The following PTAFR variants were observed in gnomAD, a reference collection of about 807,000 sequenced individuals.
PTAFR encodes platelet-activating factor receptor.
In PTAFR, 8 loss-of-function variants were observed where a neutral mutation model predicts 14.7. The ratio of observed to expected loss-of-function variants is 0.54; its 90% CI spans 0.32 to 0.98. The LOEUF is 0.98. PTAFR is among the 50% of genes least tolerant of loss of function. The pLI is 0.04. For synonymous variants in PTAFR, 156 were observed against 176.5 expected, an observed-to-expected ratio of 0.88 and a Z score of 0.92; for missense variants, 337 against 451.2, an observed-to-expected ratio of 0.75 and a Z score of 2.29.
chr1:28,155,430 C>T (rs967403970), intron 1 of PTAFR, among the ~76,000 whole-genome samples: 4 of 152,146 alleles, frequency 2.6e-5, no homozygotes, highest in African/African-American at 9.7e-5. Flanking sequence ...AGGCTGATCT[C>T]GAACTCCTGA....
chr1:28,188,555 G>A (rs1167045822), intron 1 of PTAFR, among the ~76,000 whole-genome samples: 3 of 152,146 alleles, frequency 2.0e-5, no homozygotes, highest in East Asian at 3.9e-4. Context: ...CACGGCCAAC[G>A]TGGTGAAACC....
intron 1 of PTAFR, among the ~76,000 whole-genome samples, chr1:28,184,562 G>T (rs776762059): frequency 2.6e-5 from 4 of 151,900 alleles, no homozygotes; most frequent in African/African-American, 9.7e-5. Flanking sequence ...CCTACATCTC[G>T]CTCCCTCCAC....
intron 1 of PTAFR, among the ~76,000 whole-genome samples, chr1:28,173,465 C>CA (rs1460006057): frequency 1.3e-5 from 2 of 151,706 alleles, no homozygotes; most frequent in Non-Finnish European, 2.9e-5. Context: ...ACAAACAAAA[C>CA]AAAACAAAAA....
intron 1 of PTAFR, among the ~76,000 whole-genome samples, chr1:28,162,381 C>G (rs1646333993): frequency 6.6e-6 from 1 of 152,278 alleles, no homozygotes; most frequent in South Asian, 2.1e-4. Flanking sequence ...ATTGCCTACT[C>G]CCCAGACAGA....
chr1:28,149,817 G>T lies in PTAFR; in HGVS notation c.*176C>A. The T allele has an allele frequency of 1.2e-6, 1 of 807,992 alleles. No homozygotes were observed. Among genetic ancestry groups the T allele is most frequent in the East Asian group, 2.7e-5 (1 of 37,446 alleles). 50.1% of individuals were successfully genotyped at this position (807,992 alleles called of 1,614,324 possible). ...GGATGAAGGGGCTCATTTGAGTTCTGGATTTTCCAACAGCCTGGCTCTGCC... is the reference window on the plus strand; with the variant it reads ...GGATGAAGGGGCTCATTTGAGTTCTTGATTTTCCAACAGCCTGGCTCTGCC... On this transcript the variant is annotated 3_prime_UTR_variant, in exon 2 of 2. Transcript: ENST00000373857.
chr1:28,155,892 C>A (rs1235343631), intron 1 of PTAFR, among the ~76,000 whole-genome samples: 1 of 151,638 alleles, frequency 6.6e-6, no homozygotes, highest in Non-Finnish European at 1.5e-5. Context: ...CGAAAAAGTC[C>A]ATTGATATGA....
upstream of PTAFR, among the ~76,000 whole-genome samples, chr1:28,177,857 G>A (rs1054267430): frequency 6.6e-6 from 1 of 152,086 alleles, no homozygotes; most frequent in Non-Finnish European, 1.5e-5. Flanking sequence ...GTAGGTGTGA[G>A]GGTATGTGTG....
intron 1 of PTAFR, among the ~76,000 whole-genome samples, chr1:28,187,830 A>G (rs533872976): frequency 1.3e-5 from 2 of 152,314 alleles, no homozygotes; most frequent in South Asian, 4.1e-4. Context: ...TAATAAAGAA[A>G]AGCTGGATAA....
At chr1:28,155,050 C>T (rs1033220036) in intron 1 of PTAFR, among the ~76,000 whole-genome samples, 5 of 152,100 alleles carry the variant, frequency 3.3e-5, no homozygotes, top group Admixed American at 6.6e-5. Flanking sequence ...GCTGCCACTC[C>T]ACCCTCACCT....
chr1:28,188,914 G>A (rs952723714), intron 1 of PTAFR, among the ~76,000 whole-genome samples: 8 of 143,834 alleles, frequency 5.6e-5, no homozygotes, highest in African/African-American at 2.1e-4. Flanking sequence ...CCAAATGACC[G>A]AGAAATATAA....
intron 1 of PTAFR, among the ~76,000 whole-genome samples, chr1:28,167,176 G>A (rs1467206881): frequency 2.0e-5 from 3 of 152,146 alleles, no homozygotes; most frequent in Admixed American, 6.6e-5. Context: ...AAGGCAACCT[G>A]TGGATGGGAG....
chr1:28,191,993 C>G (rs531222950), intron 1 of PTAFR, among the ~76,000 whole-genome samples: 2 of 151,990 alleles, frequency 1.3e-5, no homozygotes, highest in African/African-American at 4.8e-5. Context: ...TCGTTTGAGC[C>G]TGGGGTCTCC....
rs2148990130 is a variant in PTAFR at position 28,147,223 on chromosome 1, A to G, written c.*2770T>C. The G allele has an allele frequency of 6.6e-6, 1 of 152,332 alleles. No homozygotes were observed. Among genetic ancestry groups the G allele is most frequent in the East Asian group, 1.9e-4 (1 of 5,188 alleles). The allele number at this position is 152,332 out of a possible 1,614,324, so 9.4% of individuals were successfully genotyped here. A position where few individuals can be genotyped will look rare whatever the true frequency, so the allele number is the denominator to read the frequency against. On this transcript the variant is annotated 3_prime_UTR_variant, in exon 2 of 2. Coordinates refer to ENST00000373857, the MANE Select transcript of PTAFR (RefSeq NM_000952.5). ...TGGACAGTTGGTACACAGATATTGC[A>G]AAAATTTCGAGGCGGGTACATGAAT...
At chr1:28,179,218 C>T (rs1266953841), upstream of PTAFR, among the ~76,000 whole-genome samples, 1 of 152,164 alleles carries the variant, frequency 6.6e-6, no homozygotes, top group Non-Finnish European at 1.5e-5. Flanking sequence ...CCAGCCACCA[C>T]CCTCCAGGAG....
chr1:28,163,827 T>C (rs1048113020), intron 1 of PTAFR, among the ~76,000 whole-genome samples: 1 of 152,132 alleles, frequency 6.6e-6, no homozygotes, highest in Non-Finnish European at 1.5e-5. Flanking sequence ...CTCCAGCTAA[T>C]GGCAACAAAG....
chr1:28,165,398 T>C (rs1410757265), intron 1 of PTAFR, among the ~76,000 whole-genome samples: 5 of 91,276 alleles, frequency 5.5e-5, no homozygotes, highest in African/African-American at 1.7e-4. Context: ...AGCAAGACTC[T>C]GTCTCAAAAA....
intron 1 of PTAFR, among the ~76,000 whole-genome samples, chr1:28,191,586 A>G (rs971693835): frequency 6.9e-6 from 1 of 145,480 alleles, no homozygotes; most frequent in African/African-American, 2.6e-5. Context: ...GAAAAAAGAA[A>G]AGAGAGAGAG....
intron 1 of PTAFR, among the ~76,000 whole-genome samples, chr1:28,175,928 GC>G (rs1012922519): frequency 1.8e-4 from 28 of 152,056 alleles, no homozygotes; most frequent in Admixed American, 5.3e-4. Context: ...GATCCAAGCT[GC>G]CCCCATCACC....
chr1:28,150,659 C>T lies in PTAFR; in HGVS notation c.363G>A (p.Arg121=). ...ITYNRFQAVT[R]PIKTAQANTR... ...TGTTGGCCTGAGCAGTCTTGATGGG[C>T]CGAGTTACTGCCTGGAAGCGGTTAT... The change falls in exon 2 of 2, where the codon CGG becomes CGA. Residue 121 remains arginine (R), a synonymous_variant. Transcript: ENST00000373857. This position sits in a 1 kb window ranked among gnomAD's most constrained non-coding sequence, Gnocchi z 6.3. 1.2e-6 allele frequency: 2 copies of T among 1,614,110 alleles called. No homozygotes were observed. Among genetic ancestry groups the T allele is most frequent in the Non-Finnish European group, 8.5e-7 (1 of 1,180,028 alleles).
Sources: allele counts gnomAD v4.1 joint callset (sites outside exome capture counted in the v4.1 genomes callset), GRCh38; gene constraint gnomAD v4.1.1; non-coding constraint Gnocchi (gnomAD v3.1); transcripts MANE v1.5; gene names NCBI Gene and HGNC (gene_info 2026-07-23, HGNC 2026-07-21).